Variants in SPRYD3 observed in about 807,000 individuals in gnomAD.
SPRYD3 encodes SPRY domain-containing protein 3.
A neutral mutation model predicts 50.1 loss-of-function variants in SPRYD3; 17 were observed. That is an observed-to-expected ratio of 0.34 (90% CI 0.23 to 0.51). The LOEUF is 0.51. Ranked by LOEUF, SPRYD3 falls within the 20% of genes least tolerant of loss-of-function variation. The probability of loss-of-function intolerance (pLI) is 0.97; values close to 1 mark genes in which losing one functional copy is unlikely to be tolerated. For synonymous variants in SPRYD3, 198 were observed against 215.5 expected, an observed-to-expected ratio of 0.92 and a Z score of 0.71; for missense variants, 401 against 591.2, an observed-to-expected ratio of 0.68 and a Z score of 3.34.
intron 6 of SPRYD3, among the ~76,000 whole-genome samples, chr12:53,069,567 C>T (rs1420995145): frequency 3.9e-5 from 6 of 152,206 alleles, no homozygotes; most frequent in African/African-American, 1.4e-4. Flanking sequence ...GTGCCTTTCT[C>T]AGCCCTGGAT....
intron 7 of SPRYD3, 152 bp from the exon 8 acceptor site, chr12:53,067,857 G>A (rs937716020): frequency 1.5e-5 from 12 of 775,168 alleles, no homozygotes; most frequent in Non-Finnish European, 2.4e-5. Context: ...GGCTTCAGGG[G>A]AACCAGGGAG....
Position 53,065,565 on chromosome 12 carries a change from G to A in SPRYD3, c.*267C>T, listed in dbSNP as rs941610870. 9 of 421,010 alleles carry A rather than the reference G, an allele frequency of 2.1e-5. No homozygotes were observed. Among genetic ancestry groups the A allele is most frequent in the East Asian group, 1.9e-4 (5 of 26,948 alleles). The allele number at this position is 421,010 out of a possible 1,614,324, so 26.1% of individuals were successfully genotyped here. A position where few individuals can be genotyped will look rare whatever the true frequency, so the allele number is the denominator to read the frequency against. On this transcript the variant is annotated 3_prime_UTR_variant, in exon 11 of 11. Transcript: ENST00000301463. ...GACCCAGAAGCCCACTGACCAAAGCGAGTGGGACCACCCACATACCAACAC... is the reference window on the plus strand; with the variant it reads ...GACCCAGAAGCCCACTGACCAAAGCAAGTGGGACCACCCACATACCAACAC...
At chr12:53,067,216 C>G (rs1258275476) in intron 8 of SPRYD3, among the ~76,000 whole-genome samples, 1 of 151,668 alleles carries the variant, frequency 6.6e-6, no homozygotes, top group Admixed American at 6.6e-5. Context: ...AAGGGAGAAC[C>G]CTTAGGAAAT....
intron 6 of SPRYD3, among the ~76,000 whole-genome samples, chr12:53,071,629 T>C (rs779974644): frequency 1.5e-4 from 23 of 150,604 alleles, no homozygotes; most frequent in Non-Finnish European, 7.4e-5. Context: ...CCCAGCAATT[T>C]GGGAGGCCAA....
chr12:53,074,179 C>G lies in SPRYD3; in HGVS notation c.507+470G>C, dbSNP rs1367869718. Among the ~76,000 whole-genome samples, 1 of 152,090 alleles carries G rather than the reference C, an allele frequency of 6.6e-6. No individual in the cohort carries two copies. The highest frequency in any genetic ancestry group is 1.5e-5 in the Non-Finnish European group (1 of 68,026). ...TCTCTCTCTACTATTGGCTCCTGTCCCATCTCCTCACCACGCCTAGTCTCT... is the reference window on the plus strand; with the variant it reads ...TCTCTCTCTACTATTGGCTCCTGTCGCATCTCCTCACCACGCCTAGTCTCT... On this transcript the variant is annotated intron_variant, in intron 5 of 10. Coordinates refer to ENST00000301463, the MANE Select transcript of SPRYD3 (RefSeq NM_032840.3). The surrounding 1 kb of genome is among the most constrained non-coding windows in gnomAD (Gnocchi z 4.6).
intron 3 of SPRYD3, 97 bp from the exon 4 acceptor site, chr12:53,075,316 G>A: frequency 7.6e-7 from 1 of 1,312,156 alleles, no homozygotes; most frequent in Non-Finnish European, 1.1e-6. Flanking sequence ...AGGGCGCTGA[G>A]GCTCAAAAAG....
Position 53,074,820 on chromosome 12 carries a change from C to A in SPRYD3, c.372-36G>T. 1 of 1,610,514 alleles carries A rather than the reference C, an allele frequency of 6.2e-7. No homozygotes were observed. Among genetic ancestry groups the A allele is most frequent in the Non-Finnish European group, 8.5e-7 (1 of 1,177,244 alleles). ...AGTAGTACAGACACAGGACCCGAGC[C>A]TGGCCTCCCAACTTCTCCCCAGCAC... is the stretch of plus-strand genomic sequence containing the variant. On this transcript the variant is annotated intron_variant, in intron 4 of 10. Transcript: ENST00000301463. The surrounding 1 kb of genome is among the most constrained non-coding windows in gnomAD (Gnocchi z 4.6).
In SPRYD3 at chr12:53,073,228, G is replaced by A. The variant is rs181081233; in HGVS notation, c.693+58C>T. ...ATTCAGACATGACCATGTGCCCACA[G>A]GTGTTCTGCCCAGCCTCCTCCGACC... On this transcript the variant is annotated intron_variant, in intron 6 of 10. Coordinates refer to ENST00000301463, the MANE Select transcript of SPRYD3 (RefSeq NM_032840.3). 3 of 1,129,168 alleles carry A rather than the reference G, an allele frequency of 2.7e-6. No homozygotes were observed. In the Admixed American group the frequency reaches 6.2e-5, roughly 23 times the overall value. The allele number at this position is 1,129,168 out of a possible 1,614,324, so 69.9% of individuals were successfully genotyped here. A position where few individuals can be genotyped will look rare whatever the true frequency, so the allele number is the denominator to read the frequency against.
chr12:53,078,914 T>A (rs1944610793), intron 1 of SPRYD3, among the ~76,000 whole-genome samples: 1 of 152,208 alleles, frequency 6.6e-6, no homozygotes, highest in Non-Finnish European at 1.5e-5. Flanking sequence ...ACCCACCACG[T>A]GGCCCAGAAG....
rs758147421 is a variant in SPRYD3, at chr12:53,065,943, C to T, written c.1218G>A (p.Lys406=). ...KVVVFFTRNG[K]IIGKKDAVVP... The stretch of plus-strand genomic sequence containing the variant: ...CAACAGCATCCTTCTTCCCAATGAT[C>T]TTGCCATTCCGAGTGAAGAAAACCT... The change falls in exon 11 of 11, where the codon AAG becomes AAA. Residue 406 remains lysine (K), a synonymous_variant. Transcript: ENST00000301463. 1 of 1,613,506 alleles carries T rather than the reference C, an allele frequency of 6.2e-7. No homozygotes were observed. The highest frequency in any genetic ancestry group is 8.5e-7 in the Non-Finnish European group (1 of 1,179,528).
intron 6 of SPRYD3, among the ~76,000 whole-genome samples, chr12:53,072,159 T>A (rs1268707780): frequency 1.3e-5 from 2 of 152,000 alleles, no homozygotes; most frequent in Admixed American, 6.6e-5. Context: ...GTAGATGTTG[T>A]CAGAATGATG....
rs1433210841 is a variant in SPRYD3, at chr12:53,074,092, G to A, written c.507+557C>T. Among the ~76,000 whole-genome samples, 1 of 152,130 alleles carries A rather than the reference G, an allele frequency of 6.6e-6. No individual in the cohort carries two copies. Among genetic ancestry groups the A allele is most frequent in the East Asian group, 1.9e-4 (1 of 5,170 alleles). ...AAGGCAGCAGGACCCCTTGGCCAAG[G>A]CCTGAGAAACCAATTTCCCAATGTG... On this transcript the variant is annotated intron_variant, in intron 5 of 10. Coordinates refer to ENST00000301463, the MANE Select transcript of SPRYD3 (RefSeq NM_032840.3). The surrounding 1 kb of genome is among the most constrained non-coding windows in gnomAD (Gnocchi z 4.6).
chr12:53,075,556 A>G (rs1410945481), intron 3 of SPRYD3, among the ~76,000 whole-genome samples, 180 bp downstream of exon 3: 2 of 152,180 alleles, frequency 1.3e-5, no homozygotes, highest in Non-Finnish European at 2.9e-5. Context: ...ACAGGTTTCC[A>G]GGGCACCTAT....
Position 53,066,809 on chromosome 12 carries a change from C to T in SPRYD3, c.902-117G>A, listed in dbSNP as rs566462593. The T allele has an allele frequency of 5.8e-5, 78 of 1,349,042 alleles. No homozygotes were observed. In the East Asian group the frequency reaches 1.3e-3, roughly 23 times the overall value. The allele number at this position is 1,349,042 out of a possible 1,614,324, so 83.6% of individuals were successfully genotyped here. A position where few individuals can be genotyped will look rare whatever the true frequency, so the allele number is the denominator to read the frequency against. Reference sequence around the variant, plus strand: ...CCTCAGAGGAAGGGAAGGGTCAGGGCGGAAACAAAGATGGAGAGAGAGGCC... The same window carrying T: ...CCTCAGAGGAAGGGAAGGGTCAGGGTGGAAACAAAGATGGAGAGAGAGGCC... On this transcript the variant is annotated intron_variant, in intron 8 of 10. Coordinates refer to ENST00000301463, the MANE Select transcript of SPRYD3 (RefSeq NM_032840.3).
In SPRYD3 at chr12:53,072,442, G is replaced by A. The variant is rs569429350; in HGVS notation, c.693+844C>T. 2.0e-5 allele frequency among the ~76,000 whole-genome samples: 3 copies of A among 152,314 alleles called. No individual in the cohort carries two copies. The South Asian group carries it at 6.2e-4, about 32-fold the overall frequency. ...TGGGTTGGGGTGGAAAGGCCAGAGG[G>A]TGGAGAAAAAGGCCAGGCCAGGAGC... On this transcript the variant is annotated intron_variant, in intron 6 of 10. Transcript: ENST00000301463.
intron 6 of SPRYD3, 31 bp downstream of exon 6, chr12:53,073,255 A>G (rs1204751886): frequency 5.5e-5 from 21 of 383,598 alleles, no homozygotes; most frequent in Middle Eastern, 4.4e-4. Context: ...CCTCCGACCC[A>G]GCCCCTCCCA....
chr12:53,066,822 GGAGA>G, intron 8 of SPRYD3, 130 bp from the exon 9 acceptor site: 1 of 1,240,768 alleles, frequency 8.1e-7, no homozygotes, highest in Non-Finnish European at 1.1e-6. Flanking sequence ...AAACAAAGAT[GGAGA>G]GAGAGGCCGG....
intron 6 of SPRYD3, among the ~76,000 whole-genome samples, chr12:53,072,714 G>A (rs939270991): frequency 6.6e-6 from 1 of 152,240 alleles, no homozygotes; most frequent in Non-Finnish European, 1.5e-5. Flanking sequence ...ACTAAAGCAG[G>A]TATGAGGAAA....
chr12:53,073,351 C>G lies in SPRYD3; in HGVS notation c.628G>C (p.Val210Leu). ...TCCTCGTAACTGTCCACCATCATGA[C>G]GCTGTCGTCCTCACGGCCCAGCTCA... Reference protein sequence around the residue: ...NAELGREDDSVMMVDSYEDEW... With the variant: ...NAELGREDDSLMMVDSYEDEW... The change falls in exon 6 of 11, where the codon GTC becomes CTC. Residue 210 changes from valine to leucine, a missense_variant. Transcript: ENST00000301463. 1 of 1,573,598 alleles carries G rather than the reference C, an allele frequency of 6.4e-7. No individual in the cohort carries two copies. Among genetic ancestry groups the G allele is most frequent in the Non-Finnish European group, 8.6e-7 (1 of 1,158,268 alleles).
Sources: gnomAD v4.1 joint callset for allele counts (sites outside exome capture counted in the v4.1 genomes callset) on GRCh38, gnomAD v4.1.1 for gene constraint, Gnocchi (gnomAD v3.1) non-coding constraint, MANE v1.5 for transcripts, NCBI Gene and HGNC (gene_info 2026-07-23, HGNC 2026-07-21) for gene names.